Variants in MORC1 observed in about 807,000 individuals in gnomAD.
MORC1 encodes MORC family CW-type zinc finger protein 1.
A neutral mutation model predicts 134.9 loss-of-function variants in MORC1; 59 were observed. The ratio of observed to expected loss-of-function variants is 0.44; its 90% CI spans 0.35 to 0.54. The LOEUF (loss-of-function observed/expected upper bound fraction) is 0.54, where lower values mean the gene tolerates loss of function less well. MORC1 is among the 20% of genes least tolerant of loss of function. The pLI is 0.00. For synonymous variants in MORC1, 395 were observed against 391.7 expected (o/e 1.01, Z -0.10); for missense variants, 947 against 1,134.5 (o/e 0.83, Z 2.37).
Position 109,004,834 on chromosome 3 carries a change from A to C in MORC1, c.2068T>G (p.Cys690Gly). ...TTTCCCACCTGGGCATTCTTCAGGC[A>C]CCCTTCAGTTGGTTGAGCTCTCCAG... The part of the protein sequence containing the change: ...TVWRAQPTEG[C>G]LKNAQAASWE... Residue 690 changes from cysteine (C) to glycine (G), a missense_variant, in exon 20 of 28, where the codon TGC becomes GGC. By Grantham distance (159) the Cys-to-Gly change is radical. Coordinates refer to ENST00000232603, the MANE Select transcript of MORC1 (RefSeq NM_014429.4). The C allele has an allele frequency of 6.2e-7, 1 of 1,613,872 alleles. No homozygotes were observed. The highest frequency in any genetic ancestry group is 1.3e-5 in the African/African-American group (1 of 75,042).
chr3:108,991,955 G>A (rs1948073491), intron 21 of MORC1, among the ~76,000 whole-genome samples: 1 of 152,076 alleles, frequency 6.6e-6, no homozygotes, highest in Non-Finnish European at 1.5e-5. Flanking sequence ...CGATTTTCAG[G>A]AAGCATCCAT....
At chr3:109,020,852 T>C (rs1948942382) in intron 17 of MORC1, among the ~76,000 whole-genome samples, 1 of 151,480 alleles carries the variant, frequency 6.6e-6, no homozygotes, top group Non-Finnish European at 1.5e-5. Context: ...ACAAATATGG[T>C]CAGGTGACAA....
chr3:109,111,899 T>C (rs1305580260), intron 2 of MORC1, among the ~76,000 whole-genome samples: 2 of 152,162 alleles, frequency 1.3e-5, no homozygotes, highest in Non-Finnish European at 2.9e-5. Flanking sequence ...GCCCTCCCTA[T>C]ATAGACACTC....
rs34334582 is a variant in MORC1 at position 109,083,312 on chromosome 3, G to GA, written c.689+10123dup. Among the ~76,000 whole-genome samples the GA allele has an allele frequency of 6.0e-3, 885 of 146,944 alleles. 19 individuals carry two copies. Among genetic ancestry groups the GA allele is most frequent in the African/African-American group, 0.019 (776 of 40,086 alleles). ...GAAAAAAACAAAATACTAAGGTAAA[G>GA]AAAAAAAAAAACCTTTTCGAGATAC... On this transcript the variant is annotated intron_variant, in intron 8 of 27. Coordinates refer to ENST00000232603, the MANE Select transcript of MORC1 (RefSeq NM_014429.4).
At chr3:109,079,208 A>G (rs1559940180) in intron 8 of MORC1, among the ~76,000 whole-genome samples, 1 of 152,112 alleles carries the variant, frequency 6.6e-6, no homozygotes, top group Non-Finnish European at 1.5e-5. Context: ...TGCAAACATA[A>G]AAGCAAAAAA....
intron 14 of MORC1, among the ~76,000 whole-genome samples, chr3:109,036,812 T>C (rs1018446663): frequency 1.3e-5 from 2 of 152,212 alleles, no homozygotes; most frequent in African/African-American, 4.8e-5. Flanking sequence ...CAGCTGCTCT[T>C]GCTCCAAATT....
At position 108,959,097 on chromosome 3, in the gene MORC1, C is replaced by T; in HGVS notation, c.2823G>A (p.Glu941=). 6.3e-7 allele frequency: 1 copy of T among 1,580,746 alleles called. No homozygotes were observed. Among genetic ancestry groups the T allele is most frequent in the South Asian group, 1.2e-5 (1 of 84,708 alleles). Residue 941 remains glutamate (E), a synonymous_variant, in exon 28 of 28, where the codon GAG becomes GAA. Transcript: ENST00000232603. Reference sequence around the variant, plus strand: ...AAGCTTCTAAATAAGTGTCAGTCTGCTCCAGGTCACCTTCTGGACCACCCT... The same window carrying T: ...AAGCTTCTAAATAAGTGTCAGTCTGTTCCAGGTCACCTTCTGGACCACCCT... ...LQLGGPEGDL[E]QTDTYLEALL...
At chr3:109,038,575 T>TA (rs1323862984) in intron 14 of MORC1, among the ~76,000 whole-genome samples, 1 of 152,190 alleles carries the variant, frequency 6.6e-6, no homozygotes, top group Non-Finnish European at 1.5e-5. Context: ...TTTTAGGTCT[T>TA]ACGTTTAAGT....
chr3:109,112,069 C>T (rs906200421), intron 2 of MORC1, among the ~76,000 whole-genome samples: 6 of 152,160 alleles, frequency 3.9e-5, no homozygotes, highest in African/African-American at 1.4e-4. Flanking sequence ...GTACCATGTA[C>T]ACAATAAATG....
chr3:109,025,448 G>A (rs542852695), intron 17 of MORC1, among the ~76,000 whole-genome samples: 12 of 137,508 alleles, frequency 8.7e-5, no homozygotes, highest in African/African-American at 2.8e-4. Context: ...ATGCAGTGGC[G>A]TGGGCTCACT....
chr3:109,024,370 G>C (rs889333275), intron 17 of MORC1, among the ~76,000 whole-genome samples: 1 of 152,068 alleles, frequency 6.6e-6, no homozygotes, highest in Non-Finnish European at 1.5e-5. Context: ...GAATGTTGTA[G>C]GAATTAAATA....
intron 14 of MORC1, among the ~76,000 whole-genome samples, chr3:109,049,550 A>C (rs539763124): frequency 6.6e-6 from 1 of 152,362 alleles, no homozygotes; most frequent in Admixed American, 6.5e-5. Flanking sequence ...TTCCAAAAAA[A>C]AGGTCATTAC....
intron 23 of MORC1, among the ~76,000 whole-genome samples, chr3:108,984,482 T>C (rs1947840177): frequency 6.6e-6 from 1 of 152,176 alleles, no homozygotes; most frequent in South Asian, 2.1e-4. Flanking sequence ...TTGCTGTGGG[T>C]AGGAAGTTAA....
intron 16 of MORC1, among the ~76,000 whole-genome samples, chr3:109,028,852 A>G (rs921559139): frequency 6.6e-6 from 1 of 152,186 alleles, no homozygotes; most frequent in Non-Finnish European, 1.5e-5. Context: ...GTAGTGTCGT[A>G]AGACGCTGAG....
chr3:108,975,566 C>T (rs796346093), intron 24 of MORC1, among the ~76,000 whole-genome samples: 1 of 152,040 alleles, frequency 6.6e-6, no homozygotes, highest in African/African-American at 2.4e-5. Flanking sequence ...GGTTCAAATC[C>T]AAGCTCTGTC....
At chr3:109,025,976 T>TA (rs1328607224) in intron 17 of MORC1, among the ~76,000 whole-genome samples, 1 of 152,136 alleles carries the variant, frequency 6.6e-6, no homozygotes, top group East Asian at 1.9e-4. Context: ...TCACAGAACT[T>TA]ACATTTTGGT....
intron 14 of MORC1, among the ~76,000 whole-genome samples, chr3:109,052,697 CA>C (rs1949856525): frequency 6.6e-6 from 1 of 152,112 alleles, no homozygotes; most frequent in African/African-American, 2.4e-5. Flanking sequence ...TAAGTTGACT[CA>C]AGGGTAGAGA....
intron 15 of MORC1, among the ~76,000 whole-genome samples, chr3:109,033,864 T>C (rs1476262135): frequency 6.6e-6 from 1 of 152,178 alleles, no homozygotes; most frequent in East Asian, 1.9e-4. Context: ...CAAGTACTAA[T>C]CTCATTTCAT....
chr3:109,064,088 G>A (rs1950142012), intron 9 of MORC1, among the ~76,000 whole-genome samples: 1 of 152,024 alleles, frequency 6.6e-6, no homozygotes, highest in Non-Finnish European at 1.5e-5. Context: ...AACTGTAAGA[G>A]AAAATAAGTT....
Sources: allele counts gnomAD v4.1 joint callset (sites outside exome capture counted in the v4.1 genomes callset), GRCh38; gene constraint gnomAD v4.1.1; transcripts MANE v1.5; gene names NCBI Gene and HGNC (gene_info 2026-07-23, HGNC 2026-07-21).